PCDHAC1: variants seen among roughly 807,000 people sequenced by gnomAD.
PCDHAC1 encodes protocadherin alpha subfamily C, 1, also known as protocadherin alpha-C1.
PCDHAC1 carries 42 observed loss-of-function variants against 60.0 expected under a neutral mutation model. The observed-to-expected ratio is 0.70, with a 90% CI of 0.55 to 0.90. PCDHAC1 has a LOEUF of 0.90. PCDHAC1 is among the 40% of genes least tolerant of loss of function. PCDHAC1 has a pLI of 0.00. For synonymous variants in PCDHAC1, 468 were observed against 499.3 expected (o/e 0.94, Z 0.84); for missense variants, 1,160 against 1,222.3 (o/e 0.95, Z 0.76).
intron 1 of PCDHAC1, among the ~76,000 whole-genome samples, chr5:140,937,309 T>G (rs1210222120): frequency 6.6e-6 from 1 of 152,102 alleles, no homozygotes; most frequent in African/African-American, 2.4e-5. Flanking sequence ...AGTGCTGGGA[T>G]TACAGGCGTG....
chr5:140,973,799 A>G (rs1470568019), intron 1 of PCDHAC1, among the ~76,000 whole-genome samples: 1 of 152,254 alleles, frequency 6.6e-6, no homozygotes, highest in African/African-American at 2.4e-5. Flanking sequence ...CATGCTGTCT[A>G]CTTGACAGAA....
chr5:141,004,402 A>T (rs2098165262), intron 3 of PCDHAC1, among the ~76,000 whole-genome samples: 1 of 152,188 alleles, frequency 6.6e-6, no homozygotes, highest in African/African-American at 2.4e-5. Context: ...TGGAGGAGGC[A>T]CCTGACTAGA....
At chr5:140,992,587 A>C (rs1393295001) in intron 3 of PCDHAC1, among the ~76,000 whole-genome samples, 2 of 152,186 alleles carry the variant, frequency 1.3e-5, no homozygotes, top group African/African-American at 2.4e-5. Context: ...CCTTGTATGC[A>C]TCTAGCGTCT....
rs782118774 is a variant in PCDHAC1 at position 140,929,021 on chromosome 5, G to A, written c.2129G>A (p.Ser710Asn). ...TTCGTGTGTACCAAGTTGCACCAGAGCCCAGGCTGTTGCGCTCAGAGCTGC... is the reference window on the plus strand; with the variant it reads ...TTCGTGTGTACCAAGTTGCACCAGAACCCAGGCTGTTGCGCTCAGAGCTGC... ...LFFVCTKLHQ[S>N]PGCCAQSCCR... The change falls in exon 1 of 4, where the codon AGC becomes AAC. Residue 710 changes from serine to asparagine, a missense_variant. Ser to Asn is a conservative substitution (Grantham distance 46). Coordinates refer to ENST00000253807, the MANE Select transcript of PCDHAC1 (RefSeq NM_018898.5). 5 of 1,614,072 alleles carry A rather than the reference G, an allele frequency of 3.1e-6. No homozygotes were observed. In the African/African-American group the frequency reaches 6.7e-5, roughly 22 times the overall value.
chr5:140,946,611 A>AATATATATATATATATATATATAT (rs1554217734), intron 1 of PCDHAC1, among the ~76,000 whole-genome samples: 1,222 of 86,096 alleles, frequency 0.014, 42 homozygotes, highest in African/African-American at 0.029. Context: ...GAAAATGTGA[A>AATATATATATATATATATATATAT]ATATATATAT....
intron 1 of PCDHAC1, chr5:140,967,470 C>T (rs1554229592): frequency 1.2e-6 from 2 of 1,613,462 alleles, no homozygotes; most frequent in Non-Finnish European, 8.5e-7. Context: ...GGGGGCATCC[C>T]AGCCCGCTCG....
intron 1 of PCDHAC1, among the ~76,000 whole-genome samples, chr5:140,976,475 C>T (rs1160749030): frequency 1.3e-5 from 2 of 151,996 alleles, no homozygotes; most frequent in Non-Finnish European, 1.5e-5. Flanking sequence ...TGCTTGAATC[C>T]GGGAGGCAGA....
intron 1 of PCDHAC1, among the ~76,000 whole-genome samples, chr5:140,948,360 C>T (rs1258504765): frequency 6.6e-6 from 1 of 151,494 alleles, no homozygotes; most frequent in Non-Finnish European, 1.5e-5. Context: ...AATAAAATGA[C>T]TTAGGAGGTG....
chr5:140,974,182 A>G (rs2096618692), intron 1 of PCDHAC1, among the ~76,000 whole-genome samples: 1 of 152,248 alleles, frequency 6.6e-6, no homozygotes, highest in Non-Finnish European at 1.5e-5. Context: ...AACTTGACAA[A>G]TGCAAAGGAA....
At position 140,928,469 on chromosome 5, in the gene PCDHAC1, A is replaced by G; in HGVS notation, c.1577A>G (p.Glu526Gly). 6.2e-7 allele frequency: 1 copy of G among 1,614,144 alleles called. No homozygotes were observed. Among genetic ancestry groups the G allele is most frequent in the Non-Finnish European group, 8.5e-7 (1 of 1,180,028 alleles). The change falls in exon 1 of 4, where the codon GAA (glutamate) becomes GGA (glycine). Residue 526 changes from glutamate (E) to glycine (G), a missense_variant. By Grantham distance (98) the Glu-to-Gly change is moderately conservative (BLOSUM62 -2). Around this residue, in one of 3 missense-constraint regions of PCDHAC1, gnomAD observed 1,113 missense variants for 1,163.7 expected, o/e 0.96. Coordinates refer to ENST00000253807, the MANE Select transcript of PCDHAC1 (RefSeq NM_018898.5). Reference sequence around the variant, plus strand: ...CTCAGGGGGTTTCATTTCCAAGTAGAAGGCCGGGATGGTGGCATTCCTCCC... The same window carrying G: ...CTCAGGGGGTTTCATTTCCAAGTAGGAGGCCGGGATGGTGGCATTCCTCCC... ...EQLRGFHFQV[E>G]GRDGGIPPRS...
intron 1 of PCDHAC1, among the ~76,000 whole-genome samples, chr5:140,937,181 G>A (rs573153234): frequency 5.3e-5 from 8 of 151,984 alleles, no homozygotes; most frequent in African/African-American, 1.9e-4. Context: ...GGGACTACAG[G>A]CGCCCGCCAC....
chr5:140,969,454 A>T, intron 1 of PCDHAC1: 1 of 1,511,824 alleles, frequency 6.6e-7, no homozygotes. Flanking sequence ...AACTGAGTAT[A>T]TATAGTATCC....
At chr5:140,987,952 C>T (rs1176597775) in intron 3 of PCDHAC1, among the ~76,000 whole-genome samples, 1 of 152,128 alleles carries the variant, frequency 6.6e-6, no homozygotes, top group African/African-American at 2.4e-5. Flanking sequence ...TCTGACAAAA[C>T]CAACTCCCCA....
chr5:140,933,900 G>T (rs941556210), intron 1 of PCDHAC1, among the ~76,000 whole-genome samples: 1 of 151,518 alleles, frequency 6.6e-6, no homozygotes, highest in South Asian at 2.1e-4. Flanking sequence ...GAATATTTTG[G>T]CATAAAGTTG....
At chr5:140,975,491 C>T (rs2153807371) in intron 1 of PCDHAC1, among the ~76,000 whole-genome samples, 1 of 152,274 alleles carries the variant, frequency 6.6e-6, no homozygotes, top group Middle Eastern at 3.4e-3. Flanking sequence ...TATCAATGTT[C>T]ATAAAATAGC....
At chr5:140,989,747 G>A (rs1554251066) in intron 3 of PCDHAC1, among the ~76,000 whole-genome samples, 1 of 152,166 alleles carries the variant, frequency 6.6e-6, no homozygotes, top group African/African-American at 2.4e-5. Flanking sequence ...TGCCTAATCT[G>A]GAGAAACATA....
At chr5:140,995,168 A>G (rs1554254492) in intron 3 of PCDHAC1, among the ~76,000 whole-genome samples, 1 of 152,186 alleles carries the variant, frequency 6.6e-6, no homozygotes. Context: ...ATGTTCTTTC[A>G]TAGGTGCACC....
At position 140,928,610 on chromosome 5, in the gene PCDHAC1, C is replaced by T. The variant is rs935238036; in HGVS notation, c.1718C>T (p.Ser573Phe). Reference sequence around the variant, plus strand: ...GTCCCAGTGGAAATTGTGCCCCGCTCTGCCAGGACTGGACACTTGGTCACA... The same window carrying T: ...GTCCCAGTGGAAATTGTGCCCCGCTTTGCCAGGACTGGACACTTGGTCACA... The part of the protein sequence containing the change: ...GSVPVEIVPR[S>F]ARTGHLVTKV... Residue 573 changes from serine (S) to phenylalanine (F), a missense_variant, in exon 1 of 4, where the codon TCT becomes TTT. This residue lies in a region of PCDHAC1 where 1,113 missense variants were observed against 1,163.7 expected (regional missense o/e 0.96). Coordinates refer to ENST00000253807, the MANE Select transcript of PCDHAC1 (RefSeq NM_018898.5). 6.2e-7 allele frequency: 1 copy of T among 1,614,254 alleles called. No homozygotes were observed. Among genetic ancestry groups the T allele is most frequent in the Non-Finnish European group, 8.5e-7 (1 of 1,180,040 alleles).
At chr5:140,938,041 G>T (rs2091894997) in intron 1 of PCDHAC1, among the ~76,000 whole-genome samples, 1 of 151,764 alleles carries the variant, frequency 6.6e-6, no homozygotes, top group African/African-American at 2.4e-5. Flanking sequence ...TTTATATTTT[G>T]GGTTTTCTAC....
Sources: allele counts gnomAD v4.1 joint callset (sites outside exome capture counted in the v4.1 genomes callset), GRCh38; gene constraint gnomAD v4.1.1; regional missense constraint gnomAD v4.1.1; transcripts MANE v1.5; gene names NCBI Gene and HGNC (gene_info 2026-07-23, HGNC 2026-07-21).